The following TPO variants were observed in gnomAD, a reference collection of about 807,000 sequenced individuals.
TPO encodes the protein thyroid peroxidase.
In TPO, 78 loss-of-function variants were observed where a neutral mutation model predicts 96.9. The ratio of observed to expected loss-of-function variants is 0.81; its 90% confidence interval spans 0.67 to 0.97. TPO has a LOEUF of 0.97. Ranked by LOEUF, TPO falls within the 50% of genes least tolerant of loss-of-function variation. The probability of loss-of-function intolerance (pLI) is 0.00; values close to 1 mark genes in which losing one functional copy is unlikely to be tolerated. For missense variants in TPO, 1,252 were observed against 1,274.8 expected (o/e 0.98, Z 0.27); for synonymous variants, 547 against 538.0 (o/e 1.02, Z -0.23).
At position 1,385,740 on chromosome 2, in the gene TPO, T is replaced by C. The variant is rs201769767; in HGVS notation, n.180+11338T>C. Among the ~76,000 whole-genome samples the C allele has an allele frequency of 2.4e-4, 37 of 152,306 alleles. No homozygotes were observed. The East Asian group carries it at 7.1e-3, about 29-fold the overall frequency. ...CAGTTCTGCTCTGATCTTAGTTATT[T>C]CTTGGCTTCTGCTAGCTTTTGAATG... On this transcript the variant is annotated intron_variant and non_coding_transcript_variant, in intron 1 of 5. Coordinates refer to the TPO transcript ENST00000497517.
intron 15 of TPO, among the ~76,000 whole-genome samples, chr2:1,521,304 C>G (rs894892440): frequency 6.6e-6 from 1 of 152,164 alleles, no homozygotes; most frequent in Non-Finnish European, 1.5e-5. Flanking sequence ...CTGACGGGTG[C>G]TGTTTCTCTA....
rs140715194 is a variant in TPO, at chr2:1,392,735, G to A, written n.180+18333G>A. 2.1e-3 allele frequency among the ~76,000 whole-genome samples: 323 copies of A among 152,246 alleles called. 1 individual carries two copies. The highest frequency in any genetic ancestry group is 7.4e-3 in the African/African-American group (306 of 41,548). ...GGTTTAGTCTTGGGAGGGTGTGTTT[G>A]TCCAGGAATTTATCCTTTTCTTCTA... On this transcript the variant is annotated intron_variant and non_coding_transcript_variant, in intron 1 of 5. Coordinates refer to the TPO transcript ENST00000497517.
chr2:1,495,605 A>C (rs1363705612), intron 11 of TPO, among the ~76,000 whole-genome samples: 1 of 152,226 alleles, frequency 6.6e-6, no homozygotes, highest in Non-Finnish European at 1.5e-5. Flanking sequence ...TCAACAAGCA[A>C]AGTGGCTCTG....
chr2:1,388,882 T>C (rs1661949426), intron 1 of TPO, among the ~76,000 whole-genome samples: 1 of 152,166 alleles, frequency 6.6e-6, no homozygotes, highest in Non-Finnish European at 1.5e-5. Context: ...AAATAAAGTA[T>C]TTCCACCTGT....
chr2:1,539,910 G>GAAAC (rs1268535475), intron 15 of TPO, among the ~76,000 whole-genome samples: 3 of 152,136 alleles, frequency 2.0e-5, no homozygotes, highest in African/African-American at 7.2e-5. Flanking sequence ...AGAATCAAGG[G>GAAAC]AAACAAACAG....
Position 1,493,992 on chromosome 2 carries a change from T to A in TPO, c.1959T>A (p.Phe653Leu). Reference protein sequence around the residue: ...FLPRARTGPLFACLIGKQMKA... With the variant: ...FLPRARTGPLLACLIGKQMKA... ...CCAGGGCTCGGACAGGGCCCCTGTT[T>A]GCCTGTCTCATTGGGAAGCAGATGA... Residue 653 changes from phenylalanine (F) to leucine (L), a missense_variant, in exon 11 of 17, where the codon TTT becomes TTA. Phe to Leu is a conservative substitution (Grantham distance 22). Transcript: ENST00000329066. 6.2e-7 allele frequency: 1 copy of A among 1,614,156 alleles called. No homozygotes were observed.
intron 7 of TPO, among the ~76,000 whole-genome samples, chr2:1,459,645 G>A (rs1047338029): frequency 6.6e-6 from 1 of 152,140 alleles, no homozygotes; most frequent in African/African-American, 2.4e-5. Flanking sequence ...CAAAATTCTG[G>A]GCATCTGCAG....
At chr2:1,467,076 G>T (rs1162534066) in intron 7 of TPO, among the ~76,000 whole-genome samples, 2 of 151,904 alleles carry the variant, frequency 1.3e-5, no homozygotes, top group Non-Finnish European at 2.9e-5. Flanking sequence ...GTTTCGATAG[G>T]TTGTGTCATT....
At position 1,453,739 on chromosome 2, in the gene TPO, G is replaced by C; in HGVS notation, c.528G>C (p.Trp176Cys). The change falls in exon 6 of 17, where the codon TGG (tryptophan) becomes TGC (cysteine). Residue 176 changes from tryptophan to cysteine, a missense_variant. Coordinates refer to ENST00000329066, the MANE Select transcript of TPO (RefSeq NM_001206744.2). ...CCTCCAACACGGCCCTGGCACGATG[G>C]CTCCCTCCAGTCTATGAGGACGGCT... ...WGASNTALAR[W>C]LPPVYEDGFS... 6.2e-7 allele frequency: 1 copy of C among 1,613,902 alleles called. No individual in the cohort carries two copies.
intron 7 of TPO, among the ~76,000 whole-genome samples, chr2:1,467,071 G>A (rs949852476): frequency 9.2e-5 from 14 of 151,874 alleles, no homozygotes; most frequent in African/African-American, 2.2e-4. Flanking sequence ...TAGAGGTTTC[G>A]ATAGGTTGTG....
At chr2:1,386,393 C>G (rs926999624) in intron 1 of TPO, among the ~76,000 whole-genome samples, 1 of 152,038 alleles carries the variant, frequency 6.6e-6, no homozygotes, top group Non-Finnish European at 1.5e-5. Flanking sequence ...TGAATCTGGG[C>G]GATCCTGTAT....
intron 15 of TPO, among the ~76,000 whole-genome samples, chr2:1,533,028 C>T (rs1348280936): frequency 1.5e-5 from 1 of 66,366 alleles, no homozygotes; most frequent in Admixed American, 2.1e-4. Context: ...ACTGTGTGCA[C>T]CCCCCAAAAA....
chr2:1,537,326 A>G (rs1283059222), intron 15 of TPO, among the ~76,000 whole-genome samples: 4 of 74,662 alleles, frequency 5.4e-5, no homozygotes, highest in South Asian at 5.6e-4. Context: ...ACTCTGTCCA[A>G]CCTCCCCAAA....
chr2:1,455,597 G>A (rs890330237), intron 6 of TPO, among the ~76,000 whole-genome samples: 12 of 152,264 alleles, frequency 7.9e-5, no homozygotes, highest in African/African-American at 2.2e-4. Context: ...AGATGTCTGC[G>A]TGGAGAATGG....
intron 1 of TPO, among the ~76,000 whole-genome samples, chr2:1,400,583 A>AAG (rs1553292849): frequency 2.3e-4 from 34 of 148,740 alleles, no homozygotes; most frequent in Middle Eastern, 6.9e-3. Flanking sequence ...AAAAAAAAAA[A>AAG]AAAAAGAAAT....
At chr2:1,404,361 G>A (rs1182797599) in intron 1 of TPO, among the ~76,000 whole-genome samples, 2 of 152,204 alleles carry the variant, frequency 1.3e-5, no homozygotes, top group African/African-American at 4.8e-5. Context: ...CCAGTGAGAG[G>A]AAGATTCCTG....
intron 5 of TPO, among the ~76,000 whole-genome samples, chr2:1,446,190 A>T (rs577835589): frequency 6.6e-6 from 1 of 152,236 alleles, no homozygotes; most frequent in Non-Finnish European, 1.5e-5. Context: ...AGGTTTTGAC[A>T]TCTACCCAGA....
upstream of TPO, among the ~76,000 whole-genome samples, chr2:1,411,302 A>T (rs1662330575): frequency 6.6e-6 from 1 of 152,180 alleles, no homozygotes; most frequent in African/African-American, 2.4e-5. Context: ...GTGCGGGGTC[A>T]AATGGTAACA....
At chr2:1,505,497 G>A (rs1394047094) in intron 14 of TPO, among the ~76,000 whole-genome samples, 2 of 38,256 alleles carry the variant, frequency 5.2e-5, no homozygotes, top group Non-Finnish European at 8.9e-5. Context: ...CCCGTGTCAG[G>A]CACACCCCCA....
Sources: allele counts gnomAD v4.1 joint callset (sites outside exome capture counted in the v4.1 genomes callset), GRCh38; gene constraint gnomAD v4.1.1; transcripts MANE v1.5; gene names NCBI Gene and HGNC (gene_info 2026-07-23, HGNC 2026-07-21).